ADAMTS12: variants seen among roughly 807,000 people sequenced by gnomAD.
ADAMTS12 encodes ADAM metallopeptidase with thrombospondin type 1 motif 12, also known as A disintegrin and metalloproteinase with thrombospondin motifs 12.
Under a neutral mutation model 167.8 loss-of-function variants are expected in ADAMTS12, and 118 were observed. The ratio of observed to expected loss-of-function variants is 0.70; its 90% confidence interval spans 0.61 to 0.82. ADAMTS12 has a LOEUF of 0.82. Among genes scored for constraint, ADAMTS12 ranks in the 40% least tolerant of loss-of-function variants. ADAMTS12 has a pLI of 0.00. For missense variants in ADAMTS12, 1,916 were observed against 1,998.8 expected (o/e 0.96, Z 0.79); for synonymous variants, 704 against 716.9 (o/e 0.98, Z 0.29).
At chr5:33,802,996 G>A (rs1158523301) in intron 2 of ADAMTS12, among the ~76,000 whole-genome samples, 1 of 152,124 alleles carries the variant, frequency 6.6e-6, no homozygotes, top group Non-Finnish European at 1.5e-5. Context: ...CCCTCAGAAG[G>A]AGACTTACCC....
Position 33,638,205 on chromosome 5 carries a change from C to G in ADAMTS12, c.1719-459G>C, listed in dbSNP as rs563819319. ...AATCAAACCAGTCCAATTCTTATCT[C>G]CATTCCTATCTCTACTTTTAAAATT... On this transcript the variant is annotated intron_variant, in intron 11 of 23. Transcript: ENST00000504830. 6.6e-5 allele frequency among the ~76,000 whole-genome samples: 10 copies of G among 152,312 alleles called. No individual in the cohort carries two copies. In the East Asian group the frequency reaches 1.5e-3, roughly 24 times the overall value.
chr5:33,627,544 G>T (rs1044159482), intron 13 of ADAMTS12, among the ~76,000 whole-genome samples: 2 of 151,960 alleles, frequency 1.3e-5, no homozygotes, highest in Non-Finnish European at 2.9e-5. Flanking sequence ...GTAATTAACT[G>T]TGAGAGGAGA....
chr5:33,730,103 C>G (rs941581496), intron 3 of ADAMTS12, among the ~76,000 whole-genome samples: 3 of 152,160 alleles, frequency 2.0e-5, no homozygotes, highest in Admixed American at 2.0e-4. Flanking sequence ...CACTACCCAC[C>G]CACGGGTAGA....
intron 3 of ADAMTS12, among the ~76,000 whole-genome samples, chr5:33,704,370 G>A (rs192601735): frequency 2.6e-5 from 4 of 152,090 alleles, no homozygotes; most frequent in East Asian, 1.9e-4. Flanking sequence ...ACCCAGAAGC[G>A]GGATTGCTGG....
intron 23 of ADAMTS12, among the ~76,000 whole-genome samples, 167 bp downstream of exon 23, chr5:33,534,666 C>A (rs1407539076): frequency 6.6e-6 from 1 of 152,148 alleles, no homozygotes. Flanking sequence ...AGTTAGGATT[C>A]AAACCTCACC....
intron 2 of ADAMTS12, chr5:33,880,796 G>T (rs1458603091): frequency 3.4e-6 from 1 of 292,918 alleles, no homozygotes; most frequent in East Asian, 6.4e-5. Flanking sequence ...CAGCCAGTCA[G>T]TTGCCTCAGA....
intron 11 of ADAMTS12, among the ~76,000 whole-genome samples, chr5:33,639,633 G>A (rs1740365723): frequency 6.6e-6 from 1 of 152,166 alleles, no homozygotes; most frequent in Non-Finnish European, 1.5e-5. Flanking sequence ...GGTGGTAGTG[G>A]CAAAGCCAAG....
Position 33,875,831 on chromosome 5 carries a change from G to C in ADAMTS12, c.489+5288C>G, listed in dbSNP as rs997539363. ...CAAAGTAATAAAGCAAGAAAAGAAA[G>C]TTGAAAGGCATATGAAGAGAAAGGA... On this transcript the variant is annotated intron_variant, in intron 2 of 23. Coordinates refer to ENST00000504830, the MANE Select transcript of ADAMTS12 (RefSeq NM_030955.4). Among the ~76,000 whole-genome samples the C allele has an allele frequency of 2.0e-5, 3 of 152,216 alleles. No individual in the cohort carries two copies. The East Asian group carries it at 5.8e-4, about 29-fold the overall frequency.
intron 5 of ADAMTS12, 26 bp from the exon 6 acceptor site, chr5:33,662,066 G>C: frequency 1.2e-6 from 2 of 1,602,282 alleles, no homozygotes; most frequent in Non-Finnish European, 1.7e-6. Context: ...GAAGAGATTA[G>C]CATGGGAGAG....
Position 33,729,384 on chromosome 5 carries a change from G to A in ADAMTS12, c.634+22020C>T, listed in dbSNP as rs116462514. Among the ~76,000 whole-genome samples the A allele has an allele frequency of 9.8e-3, 1,488 of 152,326 alleles. 22 individuals are homozygous for A. Among genetic ancestry groups the A allele is most frequent in the African/African-American group, 0.034 (1,433 of 41,580 alleles). ...CTCACTGGAAAGTCCCTAGTTGCAT[G>A]ATTACAAGTTAGTTGGCTGCATCTT... On this transcript the variant is annotated intron_variant, in intron 3 of 23. Transcript: ENST00000504830.
intron 2 of ADAMTS12, among the ~76,000 whole-genome samples, chr5:33,777,441 C>T (rs1027893089): frequency 3.3e-5 from 5 of 151,950 alleles, no homozygotes; most frequent in African/African-American, 7.3e-5. Context: ...ATATGATCAG[C>T]TCAATAGATG....
chr5:33,550,947 A>T (rs1424097713), intron 20 of ADAMTS12, among the ~76,000 whole-genome samples: 1 of 152,138 alleles, frequency 6.6e-6, no homozygotes, highest in East Asian at 1.9e-4. Flanking sequence ...ATCTCCAGTA[A>T]TCATAGGATA....
At chr5:33,765,087 C>T (rs565630166) in intron 2 of ADAMTS12, among the ~76,000 whole-genome samples, 2 of 152,208 alleles carry the variant, frequency 1.3e-5, no homozygotes, top group African/African-American at 4.8e-5. Context: ...TTTCTTTTCC[C>T]AATGTTTTAT....
intron 2 of ADAMTS12, among the ~76,000 whole-genome samples, chr5:33,844,293 TCTGA>T (rs1346931236): frequency 6.6e-6 from 1 of 152,206 alleles, no homozygotes; most frequent in Middle Eastern, 3.2e-3. Flanking sequence ...AACTTTAAAC[TCTGA>T]CTGCCGGTGA....
chr5:33,663,366 C>T (rs2112221131), intron 5 of ADAMTS12, among the ~76,000 whole-genome samples: 1 of 151,174 alleles, frequency 6.6e-6, no homozygotes, highest in Non-Finnish European at 1.5e-5. Context: ...AACGTGCCCA[C>T]CCATCATAAA....
intron 15 of ADAMTS12, 35 bp downstream of exon 15, chr5:33,615,793 A>G: frequency 6.2e-7 from 1 of 1,612,254 alleles, no homozygotes; most frequent in Non-Finnish European, 8.5e-7. Flanking sequence ...TCTAACTAGC[A>G]CACATGTCAG....
At chr5:33,709,336 A>T (rs985715360) in intron 3 of ADAMTS12, among the ~76,000 whole-genome samples, 7 of 152,260 alleles carry the variant, frequency 4.6e-5, no homozygotes, top group Non-Finnish European at 8.8e-5. Context: ...CATTTGACTG[A>T]GCAATCTCAT....
intron 19 of ADAMTS12, among the ~76,000 whole-genome samples, chr5:33,567,081 G>C (rs944313901): frequency 2.0e-5 from 3 of 152,194 alleles, no homozygotes; most frequent in African/African-American, 7.2e-5. Flanking sequence ...GACATTACTT[G>C]TTGGGCTTTA....
intron 13 of ADAMTS12, among the ~76,000 whole-genome samples, chr5:33,628,173 G>A (rs1272855380): frequency 3.3e-5 from 5 of 152,048 alleles, no homozygotes; most frequent in South Asian, 2.1e-4. Flanking sequence ...GTGTGAAGAC[G>A]GAGGAGTCCA....
Sources: gnomAD v4.1 joint callset for allele counts (sites outside exome capture counted in the v4.1 genomes callset) on GRCh38, gnomAD v4.1.1 for gene constraint, MANE v1.5 for transcripts, NCBI Gene and HGNC (gene_info 2026-07-23, HGNC 2026-07-21) for gene names.